Variants in RAD51B observed in about 807,000 individuals in gnomAD.
RAD51B encodes RAD51 paralog B.
Under a neutral mutation model 42.2 loss-of-function variants are expected in RAD51B, and 38 were observed. That is an observed-to-expected ratio of 0.90 (90% CI 0.70 to 1.18). RAD51B has a LOEUF of 1.18. RAD51B is among the 50% of genes most tolerant of loss of function. RAD51B has a pLI of 0.00. For missense variants in RAD51B, 373 were observed against 400.7 expected, an observed-to-expected ratio of 0.93 and a Z score of 0.59; for synonymous variants, 154 against 145.2, an observed-to-expected ratio of 1.06 and a Z score of -0.43.
rs569549761 is a variant in RAD51B at position 68,353,844 on chromosome 14, A to G, written c.854-57580A>G. On this transcript the variant is annotated intron_variant, in intron 8 of 10. Transcript: ENST00000471583. Reference sequence around the variant, plus strand: ...TAAGACCTTCCCCTCCACACTCCACATAACTATGCTTCTATTAGAAGTATT... The same window carrying G: ...TAAGACCTTCCCCTCCACACTCCACGTAACTATGCTTCTATTAGAAGTATT... Among the ~76,000 whole-genome samples, 167 of 152,332 alleles carry G rather than the reference A, an allele frequency of 1.1e-3. 1 individual carries two copies. The highest frequency in any genetic ancestry group is 1.6e-3 in the Admixed American group (25 of 15,306).
chr14:68,420,805 C>G (rs1421827682), intron 9 of RAD51B, among the ~76,000 whole-genome samples: 1 of 152,222 alleles, frequency 6.6e-6, no homozygotes, highest in East Asian at 1.9e-4. Flanking sequence ...CCTGGGAATA[C>G]AGACCAATAG....
intron 7 of RAD51B, among the ~76,000 whole-genome samples, chr14:67,940,023 C>T (rs1410909534): frequency 2.9e-5 from 1 of 34,320 alleles, no homozygotes; most frequent in Non-Finnish European, 5.0e-5. Flanking sequence ...TTGATAGATG[C>T]ATATATATAT....
intron 7 of RAD51B, among the ~76,000 whole-genome samples, chr14:68,041,014 T>C (rs1176710902): frequency 1.3e-5 from 2 of 152,228 alleles, no homozygotes; most frequent in African/African-American, 4.8e-5. Context: ...CATGTTGAAC[T>C]ATAATTCCCA....
chr14:68,365,020 G>A (rs909738611), intron 8 of RAD51B, among the ~76,000 whole-genome samples: 3 of 152,172 alleles, frequency 2.0e-5, no homozygotes, highest in Non-Finnish European at 4.4e-5. Context: ...TGGTGAGGGA[G>A]TGAAGGTTAG....
chr14:67,950,787 T>C (rs531467050), intron 7 of RAD51B, among the ~76,000 whole-genome samples: 1 of 152,130 alleles, frequency 6.6e-6, no homozygotes, highest in African/African-American at 2.4e-5. Context: ...TTAGGGGCCA[T>C]TTTATGGTTA....
chr14:68,454,427 A>G (rs1209656042), intron 9 of RAD51B, among the ~76,000 whole-genome samples: 1 of 49,128 alleles, frequency 2.0e-5, no homozygotes, highest in Non-Finnish European at 3.9e-5. Context: ...TTTATTTGAG[A>G]AAAAAAACAA....
intron 10 of RAD51B, among the ~76,000 whole-genome samples, chr14:68,484,507 A>G (rs574587325): frequency 5.9e-5 from 9 of 151,618 alleles, no homozygotes; most frequent in South Asian, 2.1e-4. Flanking sequence ...ACAGGCGCCC[A>G]CCACCACGCC....
chr14:68,560,223 G>A (rs759622751), intron 10 of RAD51B, among the ~76,000 whole-genome samples: 14 of 152,184 alleles, frequency 9.2e-5, no homozygotes, highest in Non-Finnish European at 1.9e-4. Context: ...ACATTCAAAG[G>A]TTAAAGTACT....
chr14:67,858,495 G>C (rs1331716219), intron 4 of RAD51B, among the ~76,000 whole-genome samples: 1 of 152,166 alleles, frequency 6.6e-6, no homozygotes, highest in Non-Finnish European at 1.5e-5. Flanking sequence ...TTCTTTATAG[G>C]TACAGAATGG....
At position 68,468,242 on chromosome 14, in the gene RAD51B, T is replaced by C. The variant is rs1306059672; in HGVS notation, c.1028T>C (p.Val343Ala). ...FVYTIKEEGL[V>A]LQGQEKP ...TACACCATCAAGGAGGAAGGCCTGG[T>C]TCTTCAAGGTAAGATCCTTGGATTA... The change falls in exon 10 of 11, where the codon GTT becomes GCT. Residue 343 changes from valine (V) to alanine (A), a missense_variant. Transcript: ENST00000471583. 6.2e-7 allele frequency: 1 copy of C among 1,612,982 alleles called. No individual in the cohort carries two copies.
exon 11 of RAD51B, chr14:68,595,326 C>T (rs913232350): frequency 9.4e-7 from 1 of 1,066,404 alleles, no homozygotes; most frequent in Admixed American, 5.3e-5. Context: ...GCTTGCCTGC[C>T]TTGAAGAAAA....
At chr14:68,570,298 C>T (rs951636231) in intron 10 of RAD51B, among the ~76,000 whole-genome samples, 6 of 152,150 alleles carry the variant, frequency 3.9e-5, no homozygotes, top group African/African-American at 9.6e-5. Context: ...GGGGAGCCTG[C>T]GATTAGGAGA....
At chr14:68,435,182 C>G (rs777980937) in intron 9 of RAD51B, among the ~76,000 whole-genome samples, 1 of 152,124 alleles carries the variant, frequency 6.6e-6, no homozygotes, top group Non-Finnish European at 1.5e-5. Context: ...CCCCCATCCT[C>G]CTCTTCCCCA....
chr14:68,400,040 A>G (rs1036917903), intron 8 of RAD51B, among the ~76,000 whole-genome samples: 28 of 152,212 alleles, frequency 1.8e-4, no homozygotes, highest in African/African-American at 6.8e-4. Flanking sequence ...GCAAAGAGCC[A>G]GTGATCCAAA....
chr14:67,845,317 A>G (rs1399027115), intron 4 of RAD51B, among the ~76,000 whole-genome samples: 1 of 152,058 alleles, frequency 6.6e-6, no homozygotes, highest in Middle Eastern at 3.2e-3. Context: ...TTCCCTTAGC[A>G]TTTGTTTGTC....
At chr14:67,968,714 A>T (rs532639514) in intron 7 of RAD51B, among the ~76,000 whole-genome samples, 7 of 152,292 alleles carry the variant, frequency 4.6e-5, no homozygotes, top group African/African-American at 1.4e-4. Context: ...GCCATTCAAC[A>T]AGTCTCTAGG....
At chr14:68,065,700 TG>T (rs2076639373) in intron 7 of RAD51B, among the ~76,000 whole-genome samples, 1 of 152,120 alleles carries the variant, frequency 6.6e-6, no homozygotes, top group South Asian at 2.1e-4. Context: ...TTTGAGTGGC[TG>T]GGATTGAGGT....
chr14:67,915,661 G>A (rs1007675789), intron 7 of RAD51B, among the ~76,000 whole-genome samples: 1 of 152,114 alleles, frequency 6.6e-6, no homozygotes, highest in Non-Finnish European at 1.5e-5. Flanking sequence ...GACTTTAGGG[G>A]GCAAAAGTAT....
chr14:67,900,361 T>A (rs2043569202), intron 7 of RAD51B, among the ~76,000 whole-genome samples: 1 of 152,166 alleles, frequency 6.6e-6, no homozygotes, highest in Non-Finnish European at 1.5e-5. Flanking sequence ...TCAAAATACT[T>A]GCACTTTAGA....
Sources: gnomAD v4.1 joint callset for allele counts (sites outside exome capture counted in the v4.1 genomes callset) on GRCh38, gnomAD v4.1.1 for gene constraint, MANE v1.5 for transcripts, NCBI Gene and HGNC (gene_info 2026-07-23, HGNC 2026-07-21) for gene names.